The following HDAC4 variants were observed in gnomAD, a reference collection of about 807,000 sequenced individuals.
HDAC4 encodes histone deacetylase A.
Under a neutral mutation model 135.1 loss-of-function variants are expected in HDAC4, and 16 were observed. That is an observed-to-expected ratio of 0.12 (90% CI 0.08 to 0.18). The LOEUF (loss-of-function observed/expected upper bound fraction) is 0.18. HDAC4 is among the 10% of genes least tolerant of loss of function. The pLI is 1.00. For synonymous variants in HDAC4, 685 were observed against 653.4 expected, an observed-to-expected ratio of 1.05 and a Z score of -0.74; for missense variants, 1,143 against 1,511.8, an observed-to-expected ratio of 0.76 and a Z score of 4.05.
intron 1 of HDAC4, among the ~76,000 whole-genome samples, chr2:239,383,202 A>G (rs1575787187): frequency 6.6e-6 from 1 of 152,166 alleles, no homozygotes; most frequent in East Asian, 1.9e-4. Context: ...TCCCGTGGCC[A>G]CCCCTGACCC....
rs1253329929 is a variant in HDAC4, at chr2:239,144,588, A to T, written c.860T>A (p.Val287Asp). 1 of 1,613,868 alleles carries T rather than the reference A, an allele frequency of 6.2e-7. No individual in the cohort carries two copies. Among genetic ancestry groups the T allele is most frequent in the Non-Finnish European group, 8.5e-7 (1 of 1,180,018 alleles). ...TACCTGCTCAGCCGACATACCTGTGACATCCAACGGACGCTTTTTTAGAGC... is the reference window on the plus strand; with the variant it reads ...TACCTGCTCAGCCGACATACCTGTGTCATCCAACGGACGCTTTTTTAGAGC... The part of the protein sequence containing the change: ...VTALKKRPLD[V>D]TDSACSSAPG... The change falls in exon 8 of 27, where the codon GTC becomes GAC. Residue 287 changes from valine to aspartate, a missense_variant. Val to Asp is a radical substitution (Grantham distance 152). Coordinates refer to ENST00000543185, the MANE Select transcript of HDAC4 (RefSeq NM_001378414.1).
At chr2:239,227,841 C>A (rs62188565) in intron 3 of HDAC4, among the ~76,000 whole-genome samples, 3 of 151,824 alleles carry the variant, frequency 2.0e-5, no homozygotes, top group African/African-American at 7.3e-5. Flanking sequence ...TCAGGTCCAG[C>A]GGACTGCAGG....
At chr2:239,269,881 C>A (rs942876392) in intron 2 of HDAC4, among the ~76,000 whole-genome samples, 1 of 152,204 alleles carries the variant, frequency 6.6e-6, no homozygotes, top group Non-Finnish European at 1.5e-5. Context: ...TTCTTACGAC[C>A]CAAGGCTGGC....
chr2:239,374,914 C>G (rs1048786705), intron 1 of HDAC4, among the ~76,000 whole-genome samples: 5 of 152,174 alleles, frequency 3.3e-5, no homozygotes, highest in African/African-American at 1.2e-4. Flanking sequence ...AATCGGGCAC[C>G]CTGTGTAAGT....
rs991114305 is a variant in HDAC4, at chr2:239,050,997, G to A, written c.*2100C>T. 6.6e-6 allele frequency: 1 copy of A among 152,638 alleles called. No homozygotes were observed. The allele number at this position is 152,638 out of a possible 1,614,324, so 9.5% of individuals were successfully genotyped here. A position where few individuals can be genotyped will look rare whatever the true frequency, so the allele number is the denominator to read the frequency against. Reference sequence around the variant, plus strand: ...CAAGTGGGTAAAGAGCCCCACGTGTGCCCCATGCATTGCTGACATGCTCAA... The same window carrying A: ...CAAGTGGGTAAAGAGCCCCACGTGTACCCCATGCATTGCTGACATGCTCAA... On this transcript the variant is annotated 3_prime_UTR_variant, in exon 27 of 27. Transcript: ENST00000543185.
chr2:239,157,625 G>A (rs1243015905), intron 6 of HDAC4, among the ~76,000 whole-genome samples: 4 of 152,234 alleles, frequency 2.6e-5, no homozygotes, highest in Non-Finnish European at 4.4e-5. Context: ...ACTGTGCTGA[G>A]TGGAATAAAT....
chr2:239,180,964 G>A (rs781609920), intron 4 of HDAC4, among the ~76,000 whole-genome samples: 3 of 152,242 alleles, frequency 2.0e-5, no homozygotes, highest in Non-Finnish European at 2.9e-5. Flanking sequence ...CCATGGCAGC[G>A]GAAGTGGCCT....
At chr2:239,398,029 C>T (rs1397320547) in intron 1 of HDAC4, among the ~76,000 whole-genome samples, 2 of 152,188 alleles carry the variant, frequency 1.3e-5, no homozygotes, top group Non-Finnish European at 2.9e-5. Context: ...TTCCACAGCC[C>T]CAAGCTTAGG....
At chr2:239,129,605 A>G (rs1423602563) in intron 11 of HDAC4, among the ~76,000 whole-genome samples, 1 of 151,984 alleles carries the variant, frequency 6.6e-6, no homozygotes, top group Non-Finnish European at 1.5e-5. Context: ...GCAACAGCTG[A>G]CCCTGGCTCC....
At chr2:239,229,334 G>A (rs568981853) in intron 3 of HDAC4, among the ~76,000 whole-genome samples, 16 of 152,244 alleles carry the variant, frequency 1.1e-4, no homozygotes, top group Non-Finnish European at 1.6e-4. Flanking sequence ...AGACTCCTGC[G>A]TCTGGCCTTT....
At chr2:239,230,089 T>A (rs1423225884) in intron 3 of HDAC4, among the ~76,000 whole-genome samples, 1 of 152,132 alleles carries the variant, frequency 6.6e-6, no homozygotes, top group Non-Finnish European at 1.5e-5. Flanking sequence ...GTGTCTGTTT[T>A]ATCAGTCGTG....
At chr2:239,294,805 C>T (rs1461395429) in intron 2 of HDAC4, among the ~76,000 whole-genome samples, 2 of 152,140 alleles carry the variant, frequency 1.3e-5, no homozygotes, top group South Asian at 4.1e-4. Context: ...TGCCACTCCT[C>T]CCTCAGGGTC....
intron 5 of HDAC4, among the ~76,000 whole-genome samples, chr2:239,171,268 G>A (rs1025830038): frequency 1.3e-5 from 2 of 151,340 alleles, no homozygotes; most frequent in Non-Finnish European, 2.9e-5. Context: ...ACTGCACTAC[G>A]TGCAGAAAAA....
At chr2:239,260,191 G>A (rs1269515745) in intron 2 of HDAC4, among the ~76,000 whole-genome samples, 1 of 152,206 alleles carries the variant, frequency 6.6e-6, no homozygotes, top group Non-Finnish European at 1.5e-5. Flanking sequence ...TCCAGACTCT[G>A]CAGGCGCCCT....
chr2:239,231,707 TCCCCAAAGCGC>T (rs2047574838), intron 3 of HDAC4, among the ~76,000 whole-genome samples: 3 of 30,664 alleles, frequency 9.8e-5, no homozygotes, highest in Admixed American at 3.3e-4. Context: ...GTAGGCGTCC[TCCCCAAAGCGC>T]CCCTGTCCTC....
intron 3 of HDAC4, among the ~76,000 whole-genome samples, chr2:239,191,390 C>G (rs1292030290): frequency 1.3e-5 from 2 of 152,216 alleles, no homozygotes; most frequent in African/African-American, 4.8e-5. Context: ...CCTAGGAAAA[C>G]CTGCACTCCA....
At chr2:239,172,699 C>T (rs2043529858) in intron 5 of HDAC4, among the ~76,000 whole-genome samples, 1 of 151,986 alleles carries the variant, frequency 6.6e-6, no homozygotes, top group African/African-American at 2.4e-5. Flanking sequence ...AAGTCAAAAG[C>T]TAGTCTTTGA....
chr2:239,120,339 T>C (rs931942320), intron 12 of HDAC4, among the ~76,000 whole-genome samples: 9 of 151,110 alleles, frequency 6.0e-5, no homozygotes, highest in African/African-American at 1.5e-4. Flanking sequence ...CCACAGAGGC[T>C]CACATACAGA....
chr2:239,127,261 T>C (rs1052216007), intron 11 of HDAC4, among the ~76,000 whole-genome samples: 3 of 152,196 alleles, frequency 2.0e-5, no homozygotes, highest in Admixed American at 6.5e-5. Context: ...CTTATGCATA[T>C]TGTCAAAACC....
Sources: allele counts gnomAD v4.1 joint callset (sites outside exome capture counted in the v4.1 genomes callset), GRCh38; gene constraint gnomAD v4.1.1; transcripts MANE v1.5; gene names NCBI Gene and HGNC (gene_info 2026-07-23, HGNC 2026-07-21).